CDCA2: variants seen among roughly 807,000 people sequenced by gnomAD.
CDCA2 encodes the protein cell division cycle-associated protein 2.
A neutral mutation model predicts 67.0 loss-of-function variants in CDCA2; 44 were observed. The ratio of observed to expected loss-of-function variants is 0.66; its 90% CI spans 0.52 to 0.84. CDCA2 has a LOEUF of 0.84. Ranked by LOEUF, CDCA2 falls within the 40% of genes least tolerant of loss-of-function variation. The pLI, the probability that CDCA2 is intolerant of heterozygous loss-of-function variation, is 0.00. For synonymous variants in CDCA2, 447 were observed against 418.7 expected, an observed-to-expected ratio of 1.07 and a Z score of -0.82; for missense variants, 1,253 against 1,203.2, an observed-to-expected ratio of 1.04 and a Z score of -0.61.
chr8:25,481,690 C>CA (rs951494430), intron 8 of CDCA2, among the ~76,000 whole-genome samples: 10 of 148,042 alleles, frequency 6.8e-5, no homozygotes, highest in African/African-American at 1.5e-4. Context: ...ACTCCATCTC[C>CA]AAAAAAAAAG....
chr8:25,498,453 A>ACTC (rs1804327561), intron 13 of CDCA2, among the ~76,000 whole-genome samples: 2 of 76,612 alleles, frequency 2.6e-5, no homozygotes, highest in Admixed American at 3.6e-4. Flanking sequence ...GGTAATCTGC[A>ACTC]CCCCCCCCCC....
chr8:25,467,156 T>C lies in CDCA2; in HGVS notation c.538+831T>C, dbSNP rs11779721. Among the ~76,000 whole-genome samples the C allele has an allele frequency of 3.4e-5, 5 of 148,922 alleles. No homozygotes were observed. In the South Asian group the frequency reaches 1.1e-3, roughly 31 times the overall value. On this transcript the variant is annotated intron_variant, in intron 5 of 14. Transcript: ENST00000330560. Reference sequence around the variant, plus strand: ...AATTCATTTGGTTGTTTTTTCAGTCTTTTTTTTTTCCCCCCCAATCACGAA... The same window carrying C: ...AATTCATTTGGTTGTTTTTTCAGTCCTTTTTTTTTCCCCCCCAATCACGAA...
At chr8:25,488,833 G>A (rs1395473228) in intron 13 of CDCA2, 144 bp downstream of exon 13, 6 of 736,830 alleles carry the variant, frequency 8.1e-6, no homozygotes, top group Non-Finnish European at 1.2e-5. Flanking sequence ...GTAGAATGGG[G>A]TGGGGGGGTT....
intron 13 of CDCA2, among the ~76,000 whole-genome samples, chr8:25,501,938 G>A (rs767651016): frequency 1.2e-4 from 19 of 152,112 alleles, no homozygotes; most frequent in South Asian, 2.1e-4. Flanking sequence ...TCTCACTGTC[G>A]CCAGGCTGGA....
chr8:25,487,540 G>C (rs1803827254), intron 12 of CDCA2, among the ~76,000 whole-genome samples: 2 of 152,126 alleles, frequency 1.3e-5, no homozygotes, highest in Admixed American at 1.3e-4. Context: ...AGGAGATTGA[G>C]ACCATTCTGG....
In CDCA2 at chr8:25,468,411, G is replaced by C; in HGVS notation, c.733G>C (p.Glu245Gln). 1 of 1,608,908 alleles carries C rather than the reference G, an allele frequency of 6.2e-7. No individual in the cohort carries two copies. The highest frequency in any genetic ancestry group is 1.1e-5 in the South Asian group (1 of 90,324). Reference sequence around the variant, plus strand: ...AGTTGAAACTTCTGTAGATCTTTCTGAGGTAATTCACTTACTTTACGCATA... The same window carrying C: ...AGTTGAAACTTCTGTAGATCTTTCTCAGGTAATTCACTTACTTTACGCATA... ...CAVETSVDLSEISSKLGSTQS... is the reference protein window; with the variant it reads ...CAVETSVDLSQISSKLGSTQS... The change falls in exon 6 of 15, where the codon GAG becomes CAG. Residue 245 changes from glutamate (E) to glutamine (Q), a missense_variant and splice_region_variant. Transcript: ENST00000330560.
At chr8:25,472,583 C>T (rs1471470331) in intron 7 of CDCA2, among the ~76,000 whole-genome samples, 3 of 152,136 alleles carry the variant, frequency 2.0e-5, no homozygotes. Flanking sequence ...ACTTTCACAC[C>T]TTATTTTTCT....
In CDCA2 at chr8:25,460,316, C is replaced by A; in HGVS notation, c.61+16C>A. ...AATAATGCTGGTATGTGATGATCTGCCTCCTTGTGAAGTTGAAGGTTTAGA... is the reference window on the plus strand; with the variant it reads ...AATAATGCTGGTATGTGATGATCTGACTCCTTGTGAAGTTGAAGGTTTAGA... On this transcript the variant is annotated intron_variant, in intron 2 of 14. Transcript: ENST00000330560. 6.2e-7 allele frequency: 1 copy of A among 1,614,058 alleles called. No homozygotes were observed. Among genetic ancestry groups the A allele is most frequent in the Non-Finnish European group, 8.5e-7 (1 of 1,179,934 alleles).
In CDCA2 at chr8:25,507,714, A is replaced by G. The variant is rs770146619; in HGVS notation, c.3048A>G (p.Glu1016=). ...ESSLTALERI[E]HNGERKQ ...CTCTGACTGCCTTGGAAAGGATTGA[A>G]CATAATGGAGAAAGAAAGCAGTAAT... The change falls in exon 15 of 15, where the codon GAA becomes GAG. Residue 1016 remains glutamate (E), a synonymous_variant. Transcript: ENST00000330560. 1.9e-6 allele frequency: 3 copies of G among 1,611,004 alleles called. No individual in the cohort carries two copies. Among genetic ancestry groups the G allele is most frequent in the South Asian group, 2.2e-5 (2 of 90,546 alleles).
intron 12 of CDCA2, among the ~76,000 whole-genome samples, chr8:25,488,237 G>A (rs931575203): frequency 1.3e-5 from 2 of 152,134 alleles, no homozygotes; most frequent in Non-Finnish European, 2.9e-5. Flanking sequence ...CAGTAGTTAG[G>A]TGCTAAATTG....
At chr8:25,481,758 A>G (rs1803581349) in intron 8 of CDCA2, among the ~76,000 whole-genome samples, 1 of 152,228 alleles carries the variant, frequency 6.6e-6, no homozygotes, top group Admixed American at 6.5e-5. Flanking sequence ...ATTAGGAGGC[A>G]TATAAAATGT....
At chr8:25,479,372 A>G (rs1803477593) in intron 7 of CDCA2, among the ~76,000 whole-genome samples, 1 of 152,134 alleles carries the variant, frequency 6.6e-6, no homozygotes, top group East Asian at 1.9e-4. Flanking sequence ...TCAATGGATC[A>G]CTTAATCATA....
chr8:25,485,371 G>A (rs1166370110), intron 10 of CDCA2, among the ~76,000 whole-genome samples: 1 of 151,960 alleles, frequency 6.6e-6, no homozygotes, highest in Non-Finnish European at 1.5e-5. Flanking sequence ...TTTGCTATCT[G>A]TATTTATATT....
chr8:25,482,619 A>G (rs1349173955), intron 8 of CDCA2, among the ~76,000 whole-genome samples: 1 of 152,256 alleles, frequency 6.6e-6, no homozygotes, highest in Non-Finnish European at 1.5e-5. Context: ...CTGTAATCCC[A>G]GCACTTTGGG....
In CDCA2 at chr8:25,507,814, C is replaced by G; in HGVS notation, c.*76C>G. The G allele has an allele frequency of 1.4e-6, 2 of 1,442,760 alleles. No individual in the cohort carries two copies. The highest frequency in any genetic ancestry group is 1.5e-5 in the South Asian group (1 of 66,048). The allele number at this position is 1,442,760 out of a possible 1,614,324, so 89.4% of individuals were successfully genotyped here. A position where few individuals can be genotyped will look rare whatever the true frequency, so the allele number is the denominator to read the frequency against. On this transcript the variant is annotated 3_prime_UTR_variant, in exon 15 of 15. Coordinates refer to ENST00000330560, the MANE Select transcript of CDCA2 (RefSeq NM_152562.4). ...TGAAATGATCTGTCTAGTTCCCATT[C>G]TCTGTTCAACCTCAGTGTTTCAAAA...
In CDCA2 at chr8:25,470,821, G is replaced by GT. The variant is rs563967353; in HGVS notation, c.820+842dup. 8.8e-3 allele frequency among the ~76,000 whole-genome samples: 1,338 copies of GT among 151,672 alleles called. 7 individuals carry two copies. Among genetic ancestry groups the GT allele is most frequent in the Non-Finnish European group, 0.015 (1,010 of 67,948 alleles). On this transcript the variant is annotated intron_variant, in intron 7 of 14. Coordinates refer to ENST00000330560, the MANE Select transcript of CDCA2 (RefSeq NM_152562.4). ...CTCTTGCCCAGGCTGGAGTGCAGTG[G>GT]TGTGATCTCAGCTCACTGCAACCTC...
chr8:25,483,566 C>A, intron 9 of CDCA2, 80 bp downstream of exon 9: 1 of 999,120 alleles, frequency 1.0e-6, no homozygotes, highest in Non-Finnish European at 1.5e-6. Context: ...ATGAAATTTT[C>A]AATGATCTAT....
At chr8:25,478,913 T>TATATATATATATA (rs1803460265) in intron 7 of CDCA2, among the ~76,000 whole-genome samples, 1 of 149,386 alleles carries the variant, frequency 6.7e-6, no homozygotes, top group African/African-American at 2.5e-5. Flanking sequence ...TATATATATA[T>TATATATATATATA]TAACTTTTTA....
chr8:25,490,252 A>G (rs1803949260), intron 13 of CDCA2, among the ~76,000 whole-genome samples: 1 of 152,058 alleles, frequency 6.6e-6, no homozygotes, highest in Non-Finnish European at 1.5e-5. Flanking sequence ...ATATACACCT[A>G]TTCATATAAA....
Sources: allele counts gnomAD v4.1 joint callset (sites outside exome capture counted in the v4.1 genomes callset), GRCh38; gene constraint gnomAD v4.1.1; transcripts MANE v1.5; gene names NCBI Gene and HGNC (gene_info 2026-07-23, HGNC 2026-07-21).